BCAS3: variants seen among roughly 807,000 people sequenced by gnomAD.
BCAS3 encodes the protein BCAS4/BCAS3 fusion.
BCAS3 carries 53 observed loss-of-function variants against 116.1 expected under a neutral mutation model. The observed-to-expected ratio is 0.46, with a 90% confidence interval of 0.37 to 0.57. The LOEUF is 0.57. BCAS3 is among the 20% of genes least tolerant of loss of function. BCAS3 has a pLI of 0.00. For missense variants in BCAS3, 917 were observed against 1,165.4 expected (o/e 0.79, Z 3.10); for synonymous variants, 391 against 408.2 (o/e 0.96, Z 0.51).
intron 6 of BCAS3, among the ~76,000 whole-genome samples, chr17:60,804,876 A>T (rs867550594): frequency 8.6e-5 from 13 of 151,718 alleles, no homozygotes; most frequent in Middle Eastern, 3.4e-3. Context: ...AGTCCTTTTT[A>T]TTTTAGCTTC....
chr17:60,922,561 G>A (rs564307437), intron 12 of BCAS3, among the ~76,000 whole-genome samples: 2 of 152,144 alleles, frequency 1.3e-5, no homozygotes, highest in East Asian at 3.9e-4. Flanking sequence ...ATAATTGATA[G>A]AACAACTAGA....
chr17:60,974,544 C>T (rs149783545), intron 14 of BCAS3, among the ~76,000 whole-genome samples: 1,775 of 152,064 alleles, frequency 0.012, 31 homozygotes, highest in African/African-American at 0.037. Flanking sequence ...TTGTATAAAT[C>T]GGAATTACTG....
At position 61,325,442 on chromosome 17, in the gene BCAS3, A is replaced by T. The variant is rs2055653408; in HGVS notation, c.2426-42885A>T. Among the ~76,000 whole-genome samples the T allele has an allele frequency of 6.6e-6, 1 of 152,056 alleles. No individual in the cohort carries two copies. Among genetic ancestry groups the T allele is most frequent in the Non-Finnish European group, 1.5e-5 (1 of 67,996 alleles). On this transcript the variant is annotated intron_variant, in intron 22 of 23. Coordinates refer to ENST00000407086, the MANE Select transcript of BCAS3 (RefSeq NM_017679.5). This position sits in a 1 kb window ranked among gnomAD's most constrained non-coding sequence, Gnocchi z 6.4. ...CTCCAGGGATATGGGCACTGCCTGG[A>T]GGGTGGTGAGCCTTTCCTGGGAAGA... is the stretch of plus-strand genomic sequence containing the variant.
rs2047696695 is a variant in BCAS3, at chr17:61,243,585, G to A, written c.2426-124742G>A. Among the ~76,000 whole-genome samples, 1 of 152,126 alleles carries A rather than the reference G, an allele frequency of 6.6e-6. No homozygotes were observed. Among genetic ancestry groups the A allele is most frequent in the Non-Finnish European group, 1.5e-5 (1 of 68,022 alleles). ...TAAGTGTGTCTCAAGAAAATATAAAGACAGTATAAGAAGACTTAGAATTGA... is the reference window on the plus strand; with the variant it reads ...TAAGTGTGTCTCAAGAAAATATAAAAACAGTATAAGAAGACTTAGAATTGA... On this transcript the variant is annotated intron_variant, in intron 22 of 23. Coordinates refer to ENST00000407086, the MANE Select transcript of BCAS3 (RefSeq NM_017679.5). This position sits in a 1 kb window ranked among gnomAD's most constrained non-coding sequence, Gnocchi z 5.6.
chr17:60,906,906 A>C (rs747748631), intron 11 of BCAS3, among the ~76,000 whole-genome samples: 21 of 152,164 alleles, frequency 1.4e-4, no homozygotes, highest in Admixed American at 3.3e-4. Flanking sequence ...TTATTAAGTC[A>C]CTTTCTCTGA....
rs959729103 is a variant in BCAS3 at position 61,188,419 on chromosome 17, C to T, written c.2425+103855C>T. Among the ~76,000 whole-genome samples, 9 of 152,316 alleles carry T rather than the reference C, an allele frequency of 5.9e-5. No homozygotes were observed. Among genetic ancestry groups the T allele is most frequent in the East Asian group, 3.9e-4 (2 of 5,192 alleles). On this transcript the variant is annotated intron_variant, in intron 22 of 23. Transcript: ENST00000407086. The surrounding 1 kb of genome is among the most constrained non-coding windows in gnomAD (Gnocchi z 4.0). ...ATTTTTCAACAAGAGAGTTCCCACT[C>T]GATTCCTAGTTTATATTCTGGTATG...
At chr17:60,854,331 C>G (rs967590364) in intron 7 of BCAS3, among the ~76,000 whole-genome samples, 12 of 152,120 alleles carry the variant, frequency 7.9e-5, no homozygotes, top group African/African-American at 2.7e-4. Context: ...CAAGTCTTTG[C>G]TGTTGTGAAT....
At chr17:60,724,489 C>T (rs1267019683) in intron 5 of BCAS3, among the ~76,000 whole-genome samples, 4 of 148,378 alleles carry the variant, frequency 2.7e-5, no homozygotes, top group Admixed American at 1.4e-4. Flanking sequence ...CTTTGGGAGG[C>T]GGAGGCGGTC....
Position 60,854,949 on chromosome 17 carries a change from G to GTTTTTTTT in BCAS3, c.477-13613_477-13606dup, listed in dbSNP as rs1267985905. Among the ~76,000 whole-genome samples, 46 of 121,944 alleles carry GTTTTTTTT rather than the reference G, an allele frequency of 3.8e-4. 1 individual carries two copies. Among genetic ancestry groups the GTTTTTTTT allele is most frequent in the African/African-American group, 1.4e-3 (40 of 28,204 alleles). The allele number at this position is 121,944 out of a possible 152,430, so 80.0% of individuals were successfully genotyped here. A position where few individuals can be genotyped will look rare whatever the true frequency, so the allele number is the denominator to read the frequency against. ...ATTTTTCTTATTTATTTTCAGTGAG[G>GTTTTTTTT]TTTTTTTTTTTTTTTTTTTTTGTAG... is the stretch of plus-strand genomic sequence containing the variant. On this transcript the variant is annotated intron_variant, in intron 7 of 23. Transcript: ENST00000407086.
chr17:61,119,696 A>T (rs544812309), intron 22 of BCAS3, among the ~76,000 whole-genome samples: 45 of 152,100 alleles, frequency 3.0e-4, no homozygotes, highest in South Asian at 1.7e-3. Flanking sequence ...TATATATATA[A>T]AAAAAGAAGA....
chr17:60,910,657 A>G lies in BCAS3; in HGVS notation c.948A>G (p.Pro316=), dbSNP rs1283159265. 6.2e-7 allele frequency: 1 copy of G among 1,612,794 alleles called. No homozygotes were observed. The highest frequency in any genetic ancestry group is 1.7e-5 in the Admixed American group (1 of 59,810). The change falls in exon 12 of 24, where the codon CCA becomes CCG. Residue 316 remains proline, a synonymous_variant. Coordinates refer to ENST00000407086, the MANE Select transcript of BCAS3 (RefSeq NM_017679.5). ...HSNSRRSPLV[P]GIITVIDTET... is the part of the protein sequence containing the mutation. The stretch of plus-strand genomic sequence containing the variant: ...ATTCACGGCGGAGTCCTTTGGTCCC[A>G]GGCATCATCACAGTTATTGACACCG...
Position 61,029,820 on chromosome 17 carries a change from A to T in BCAS3, c.1638-4846A>T, listed in dbSNP as rs1022612892. Among the ~76,000 whole-genome samples, 3 of 152,030 alleles carry T rather than the reference A, an allele frequency of 2.0e-5. No individual in the cohort carries two copies. The highest frequency in any genetic ancestry group is 1.5e-5 in the Non-Finnish European group (1 of 67,930). On this transcript the variant is annotated intron_variant, in intron 16 of 23. Coordinates refer to ENST00000407086, the MANE Select transcript of BCAS3 (RefSeq NM_017679.5). This position sits in a 1 kb window ranked among gnomAD's most constrained non-coding sequence, Gnocchi z 5.2. ...GTTTTGATCAAGCTATAAACAGTTC[A>T]TGTAAACTAATCTTGTTCTCTTAAA...
chr17:61,133,648 T>G (rs2076456910), intron 22 of BCAS3, among the ~76,000 whole-genome samples: 1 of 152,130 alleles, frequency 6.6e-6, no homozygotes, highest in Non-Finnish European at 1.5e-5. Context: ...TCTGAAATAC[T>G]GGCATACTGT....
At chr17:61,193,838 C>T (rs150880903) in intron 22 of BCAS3, among the ~76,000 whole-genome samples, 3,861 of 150,916 alleles carry the variant, frequency 0.026, 146 homozygotes, top group African/African-American at 0.088. Context: ...AAGTACAAGC[C>T]GGGCGTGGTG....
At chr17:61,289,833 A>T (rs528551352) in intron 22 of BCAS3, among the ~76,000 whole-genome samples, 1 of 152,322 alleles carries the variant, frequency 6.6e-6, no homozygotes, top group African/African-American at 2.4e-5. Context: ...TTAGGGAGTA[A>T]GTAACATTTT....
In BCAS3 at chr17:61,391,581, G is replaced by A. The variant is rs3785837; in HGVS notation, c.2594-396G>A. 102,514 of 171,276 alleles carry A rather than the reference G, an allele frequency of 0.6. 34,029 individuals are homozygous for A. Among genetic ancestry groups the A allele is most frequent in the Non-Finnish European group, 0.75 (61,052 of 81,236 alleles). The allele number at this position is 171,276 out of a possible 1,614,324, so 10.6% of individuals were successfully genotyped here. On this transcript the variant is annotated intron_variant, in intron 23 of 23. Transcript: ENST00000407086. This position sits in a 1 kb window ranked among gnomAD's most constrained non-coding sequence, Gnocchi z 7.7. ...CCCGTGTCCTAGCTTCTCCCCGCCT[G>A]CCTCCCCTGTAGAGCCGGGACAGAA...
rs776499166 is a variant in BCAS3 at position 60,910,722 on chromosome 17, C to A, written c.993+20C>A. 2 of 1,588,086 alleles carry A rather than the reference C, an allele frequency of 1.3e-6. No individual in the cohort carries two copies. Among genetic ancestry groups the A allele is most frequent in the Non-Finnish European group, 1.7e-6 (2 of 1,166,554 alleles). On this transcript the variant is annotated intron_variant, in intron 12 of 23. Transcript: ENST00000407086. The stretch of plus-strand genomic sequence containing the variant: ...GGCCAGGTAAGAAGAACTTTTGGTG[C>A]GTACCATGTGTGTTACTTGCAAAGA...
chr17:60,907,016 A>T (rs1434082250), intron 11 of BCAS3, among the ~76,000 whole-genome samples: 1 of 152,036 alleles, frequency 6.6e-6, no homozygotes, highest in Non-Finnish European at 1.5e-5. Flanking sequence ...TGAATTATTA[A>T]TTTTTTTGTC....
Position 61,220,838 on chromosome 17 carries a change from C to T in BCAS3, c.2425+136274C>T, listed in dbSNP as rs905006624. ...TAGTTCGGCTGGGCGCGGTGGCTCA[C>T]GCCTGTAATCCCAGCACTTTGGGAG... On this transcript the variant is annotated intron_variant, in intron 22 of 23. Coordinates refer to ENST00000407086, the MANE Select transcript of BCAS3 (RefSeq NM_017679.5). This position sits in a 1 kb window ranked among gnomAD's most constrained non-coding sequence, Gnocchi z 4.5. Among the ~76,000 whole-genome samples, 1 of 151,440 alleles carries T rather than the reference C, an allele frequency of 6.6e-6. No individual in the cohort carries two copies. The highest frequency in any genetic ancestry group is 1.5e-5 in the Non-Finnish European group (1 of 67,798).
Sources: gnomAD v4.1 joint callset for allele counts (sites outside exome capture counted in the v4.1 genomes callset) on GRCh38, gnomAD v4.1.1 for gene constraint, Gnocchi (gnomAD v3.1) non-coding constraint, MANE v1.5 for transcripts, NCBI Gene and HGNC (gene_info 2026-07-23, HGNC 2026-07-21) for gene names.